The following PALM2AKAP2 variants were observed in gnomAD, a reference collection of about 807,000 sequenced individuals.
PALM2AKAP2 encodes the protein PALM2-AKAP2 fusion protein.
A neutral mutation model predicts 71.5 loss-of-function variants in PALM2AKAP2; 37 were observed. The ratio of observed to expected loss-of-function variants is 0.52; its 90% CI spans 0.40 to 0.68. The LOEUF is 0.68. Ranked by LOEUF, PALM2AKAP2 falls within the 30% of genes least tolerant of loss-of-function variation. PALM2AKAP2 has a pLI of 0.00. For missense variants in PALM2AKAP2, 1,224 were observed against 1,191.8 expected (o/e 1.03, Z -0.40); for synonymous variants, 468 against 478.8 (o/e 0.98, Z 0.29).
chr9:109,738,239 G>A (rs753676225), intron 1 of PALM2AKAP2, among the ~76,000 whole-genome samples: 15 of 152,222 alleles, frequency 9.9e-5, no homozygotes, highest in Non-Finnish European at 2.1e-4. Flanking sequence ...TTTCAAGTGA[G>A]ATCTTCAACC....
intron 3 of PALM2AKAP2, among the ~76,000 whole-genome samples, chr9:109,908,501 G>A (rs1434629664): frequency 6.6e-6 from 1 of 152,186 alleles, no homozygotes; most frequent in African/African-American, 2.4e-5. Context: ...CATCTGTCAA[G>A]TGCGAATAAC....
At chr9:109,658,886 G>T (rs977242792) in intron 1 of PALM2AKAP2, among the ~76,000 whole-genome samples, 1 of 152,052 alleles carries the variant, frequency 6.6e-6, no homozygotes, top group Non-Finnish European at 1.5e-5. Context: ...AACAAAATCC[G>T]AAAAGTACTT....
chr9:110,055,667 C>A (rs1002119747), intron 1 of PALM2AKAP2, among the ~76,000 whole-genome samples: 1 of 152,106 alleles, frequency 6.6e-6, no homozygotes, highest in Admixed American at 6.5e-5. Context: ...CTAGCAGGGA[C>A]CCTGGAAAGG....
chr9:109,708,524 G>C (rs376798922), intron 1 of PALM2AKAP2, among the ~76,000 whole-genome samples: 1 of 152,160 alleles, frequency 6.6e-6, no homozygotes, highest in Admixed American at 6.5e-5. Flanking sequence ...AGTGGAAAAT[G>C]TTTGCTAAAT....
chr9:109,971,087 T>C (rs554069382), intron 6 of PALM2AKAP2, among the ~76,000 whole-genome samples: 6 of 152,188 alleles, frequency 3.9e-5, no homozygotes, highest in African/African-American at 1.4e-4. Flanking sequence ...AGCAAGACCC[T>C]GTCTCAAATA....
At chr9:109,713,402 A>G (rs1828269711) in intron 1 of PALM2AKAP2, among the ~76,000 whole-genome samples, 2 of 152,200 alleles carry the variant, frequency 1.3e-5, no homozygotes, top group African/African-American at 4.8e-5. Context: ...TAGCACATGC[A>G]TGATCATTTT....
intron 1 of PALM2AKAP2, among the ~76,000 whole-genome samples, chr9:109,742,366 A>G (rs865875556): frequency 1.3e-5 from 2 of 152,150 alleles, no homozygotes; most frequent in Admixed American, 1.3e-4. Flanking sequence ...AGCATTTACT[A>G]CAACCTAAAA....
intron 1 of PALM2AKAP2, among the ~76,000 whole-genome samples, chr9:110,053,399 G>A (rs1049198174): frequency 2.0e-5 from 3 of 151,812 alleles, no homozygotes; most frequent in Non-Finnish European, 4.4e-5. Flanking sequence ...GTGGTGGCAG[G>A]TGCCTGTAAT....
chr9:110,149,626 A>C (rs1836262026), intron 2 of PALM2AKAP2, among the ~76,000 whole-genome samples: 1 of 152,166 alleles, frequency 6.6e-6, no homozygotes, highest in Admixed American at 6.5e-5. Context: ...TATTGCTGCT[A>C]TGACAAATTA....
At chr9:109,770,609 G>A (rs1169073499) in intron 1 of PALM2AKAP2, among the ~76,000 whole-genome samples, 1 of 152,176 alleles carries the variant, frequency 6.6e-6, no homozygotes, top group Non-Finnish European at 1.5e-5. Context: ...CAGGTAAGAG[G>A]CAATGACCAG....
intron 1 of PALM2AKAP2, among the ~76,000 whole-genome samples, chr9:110,081,958 CT>C (rs745806035): frequency 1.8e-4 from 27 of 152,126 alleles, no homozygotes; most frequent in Non-Finnish European, 3.5e-4. Context: ...CCCTTTGCCA[CT>C]GATTTCAACC....
At position 109,827,423 on chromosome 9, in the gene PALM2AKAP2, A is replaced by G. The variant is rs115626114; in HGVS notation, c.46-40068A>G. On this transcript the variant is annotated intron_variant, in intron 1 of 9. Coordinates refer to the PALM2AKAP2 transcript ENST00000302798. ...AAGGAGTTTGAGAGCAGCCTCCCCAATATGGTGAAACCCCTTCCCTACTCA... is the reference window on the plus strand; with the variant it reads ...AAGGAGTTTGAGAGCAGCCTCCCCAGTATGGTGAAACCCCTTCCCTACTCA... Among the ~76,000 whole-genome samples the G allele has an allele frequency of 3.3e-3, 502 of 152,144 alleles. 7 individuals are homozygous for G. The highest frequency in any genetic ancestry group is 0.012 in the African/African-American group (478 of 41,516).
At chr9:109,891,351 C>T (rs944272290) in intron 3 of PALM2AKAP2, among the ~76,000 whole-genome samples, 7 of 152,210 alleles carry the variant, frequency 4.6e-5, no homozygotes, top group East Asian at 1.9e-4. Context: ...TTGGTCTCCA[C>T]GTGCCTCCTT....
intron 2 of PALM2AKAP2, among the ~76,000 whole-genome samples, chr9:109,867,868 G>A (rs1829497471): frequency 6.6e-6 from 1 of 152,180 alleles, no homozygotes; most frequent in African/African-American, 2.4e-5. Flanking sequence ...ACTTCACAGG[G>A]TGGGTGAGGC....
intron 1 of PALM2AKAP2, among the ~76,000 whole-genome samples, chr9:109,833,683 T>C (rs1049533901): frequency 6.6e-6 from 1 of 152,208 alleles, no homozygotes; most frequent in African/African-American, 2.4e-5. Flanking sequence ...CCCTAAACAG[T>C]ACAGGGTACT....
chr9:109,825,872 A>C (rs1048466764), intron 1 of PALM2AKAP2, among the ~76,000 whole-genome samples: 15 of 152,178 alleles, frequency 9.9e-5, no homozygotes, highest in South Asian at 2.1e-4. Flanking sequence ...GGGTATATAC[A>C]CAAAGGTTTA....
At chr9:109,651,780 A>G (rs1273385742) in intron 1 of PALM2AKAP2, among the ~76,000 whole-genome samples, 1 of 152,154 alleles carries the variant, frequency 6.6e-6, no homozygotes, top group Non-Finnish European at 1.5e-5. Context: ...TCATTTTCTT[A>G]TATATAACTT....
At chr9:109,704,723 A>G (rs938344534) in intron 1 of PALM2AKAP2, among the ~76,000 whole-genome samples, 3 of 152,138 alleles carry the variant, frequency 2.0e-5, no homozygotes, top group African/African-American at 7.2e-5. Context: ...TACCTTCCCC[A>G]TTGCTGCCCT....
chr9:109,786,730 C>G (rs1168841913), intron 1 of PALM2AKAP2, among the ~76,000 whole-genome samples: 3 of 152,008 alleles, frequency 2.0e-5, no homozygotes, highest in African/African-American at 7.3e-5. Context: ...CAGTCTTCAG[C>G]TTATTGGGAC....
Sources: allele counts gnomAD v4.1 joint callset (sites outside exome capture counted in the v4.1 genomes callset), GRCh38; gene constraint gnomAD v4.1.1; transcripts MANE v1.5; gene names NCBI Gene and HGNC (gene_info 2026-07-23, HGNC 2026-07-21).